SLC12A7: variants seen among roughly 807,000 people sequenced by gnomAD.
SLC12A7 encodes the protein solute carrier family 12 member 7, also known as K-Cl cotransporter 4.
In SLC12A7, 100 loss-of-function variants were observed where a neutral mutation model predicts 120.6. The observed-to-expected ratio is 0.83, with a 90% CI of 0.71 to 0.98. The LOEUF (loss-of-function observed/expected upper bound fraction) is 0.98, where lower values mean the gene tolerates loss of function less well. Among genes scored for constraint, SLC12A7 ranks in the 50% least tolerant of loss-of-function variants. The probability of loss-of-function intolerance (pLI) is 0.00; values close to 1 mark genes in which losing one functional copy is unlikely to be tolerated. For synonymous variants in SLC12A7, 760 were observed against 678.0 expected (o/e 1.12, Z -1.88); for missense variants, 1,373 against 1,548.1 (o/e 0.89, Z 1.90).
chr5:1,085,323 G>C lies in SLC12A7; in HGVS notation c.826C>G (p.Leu276Val). 1 of 1,612,610 alleles carries C rather than the reference G, an allele frequency of 6.2e-7. No individual in the cohort carries two copies. The highest frequency in any genetic ancestry group is 8.5e-7 in the Non-Finnish European group (1 of 1,179,842). Residue 276 changes from leucine (L) to valine (V), a missense_variant, in exon 7 of 24, where the codon CTG (leucine) becomes GTG (valine). Transcript: ENST00000264930. Reference sequence around the variant, plus strand: ...ACGCAGGCCAGGAAGACCAGCGCCAGCTTGTTGACATACTTGACGCCCACG... The same window carrying C: ...ACGCAGGCCAGGAAGACCAGCGCCACCTTGTTGACATACTTGACGCCCACG... ...VFVGVKYVNKLALVFLACVVL... is the reference protein window; with the variant it reads ...VFVGVKYVNKVALVFLACVVL...
At chr5:1,136,786 A>G in the SLC12A7 span, among the ~76,000 whole-genome samples, 2 of 147,598 alleles carry the variant, frequency 1.4e-5, no homozygotes, top group African/African-American at 5.0e-5. Context: ...CACCAACACC[A>G]GGACACGCAG....
At chr5:1,151,036 C>T in the SLC12A7 span, among the ~76,000 whole-genome samples, 19 of 152,204 alleles carry the variant, frequency 1.2e-4, no homozygotes, top group Non-Finnish European at 2.2e-4. This position sits in a 1 kb window ranked among gnomAD's most constrained non-coding sequence, Gnocchi z 6.2. Flanking sequence ...ATGGGGAGGG[C>T]GGCCTTGGGA....
In SLC12A7 at chr5:1,065,332, G is replaced by T. The variant is rs148955144; in HGVS notation, c.2388C>A (p.Pro796=). The T allele has an allele frequency of 6.2e-7, 1 of 1,600,676 alleles. No homozygotes were observed. Among genetic ancestry groups the T allele is most frequent in the Non-Finnish European group, 8.5e-7 (1 of 1,172,336 alleles). ...GGTTGTCCTCCTGCTTCCAGGATGC[G>T]GGCCAGGCCATGAGCACCGTGTTGT... ...LKHNTVLMAW[P]ASWKQEDNPF... Residue 796 remains proline, a synonymous_variant, in exon 18 of 24, where the codon CCC becomes CCA. Transcript: ENST00000264930.
chr5:1,144,645 A>G, the SLC12A7 span, among the ~76,000 whole-genome samples: 1 of 152,242 alleles, frequency 6.6e-6, no homozygotes, highest in Non-Finnish European at 1.5e-5. Context: ...GGACCGCACC[A>G]CACTTTACAA....
chr5:1,099,278 C>T (rs1741733030), intron 1 of SLC12A7, among the ~76,000 whole-genome samples: 1 of 152,178 alleles, frequency 6.6e-6, no homozygotes, highest in Admixed American at 6.5e-5. Flanking sequence ...ATCAACCTAA[C>T]CCGGACCCGG....
the SLC12A7 span, among the ~76,000 whole-genome samples, chr5:1,143,742 C>T: frequency 6.6e-6 from 1 of 152,198 alleles, no homozygotes; most frequent in African/African-American, 2.4e-5. Context: ...CCTGCCCAGT[C>T]CCCTCTGCAA....
chr5:1,119,270 C>T, the SLC12A7 span, among the ~76,000 whole-genome samples: 5 of 152,340 alleles, frequency 3.3e-5, no homozygotes, highest in Middle Eastern at 3.4e-3. Context: ...CTGCAAAGCC[C>T]GGCCTCAGTT....
At chr5:1,095,763 C>T (rs989895528) in intron 1 of SLC12A7, among the ~76,000 whole-genome samples, 2 of 152,352 alleles carry the variant, frequency 1.3e-5, no homozygotes, top group East Asian at 1.9e-4. Context: ...AGGCACCAGC[C>T]GCAGGAGTGG....
At chr5:1,152,797 G>A in the SLC12A7 span, among the ~76,000 whole-genome samples, 2 of 152,278 alleles carry the variant, frequency 1.3e-5, no homozygotes, top group Non-Finnish European at 2.9e-5. Context: ...CGACACGGGG[G>A]AGGCCTGCGG....
At chr5:1,074,825 G>A (rs1738142634) in intron 15 of SLC12A7, 154 bp from the exon 16 acceptor site, 6 of 683,778 alleles carry the variant, frequency 8.8e-6, no homozygotes, top group South Asian at 7.3e-5. Flanking sequence ...GCCCACCCTT[G>A]CCCTGAAGGG....
the SLC12A7 span, among the ~76,000 whole-genome samples, chr5:1,124,030 A>G: frequency 2.0e-5 from 3 of 152,182 alleles, no homozygotes; most frequent in African/African-American, 7.2e-5. Context: ...ATCAATTTCT[A>G]TTTTCTCAGG....
chr5:1,069,025 G>A (rs1737353127), intron 17 of SLC12A7, among the ~76,000 whole-genome samples: 1 of 152,188 alleles, frequency 6.6e-6, no homozygotes, highest in African/African-American at 2.4e-5. Context: ...ATGGGGACCA[G>A]GACCGTGAAC....
the SLC12A7 span, among the ~76,000 whole-genome samples, chr5:1,155,747 G>A: frequency 6.6e-6 from 1 of 150,878 alleles, no homozygotes; most frequent in African/African-American, 2.4e-5. Context: ...GCGCGGCTGC[G>A]GGGTCCAGGC....
rs1047588068 is a variant in SLC12A7, at chr5:1,093,605, G to A, written c.270C>T (p.Ala90=). Residue 90 remains alanine, a synonymous_variant, in exon 3 of 24, where the codon GCC becomes GCT. Transcript: ENST00000264930. ...CGCCCTGGCTCAGGTTGGTGTAGTTGGCCAGCTTGTTGAGCAGCGAGGACA... is the reference window on the plus strand; with the variant it reads ...CGCCCTGGCTCAGGTTGGTGTAGTTAGCCAGCTTGTTGAGCAGCGAGGACA... ...PMVSSLLNKL[A]NYTNLSQGVV... The A allele has an allele frequency of 1.6e-5, 26 of 1,613,050 alleles. No homozygotes were observed. The highest frequency in any genetic ancestry group is 2.1e-5 in the Non-Finnish European group (25 of 1,179,856).
chr5:1,099,666 C>A (rs1467908169), intron 1 of SLC12A7, among the ~76,000 whole-genome samples: 1 of 152,208 alleles, frequency 6.6e-6, no homozygotes, highest in Non-Finnish European at 1.5e-5. Flanking sequence ...GCTGAACTCA[C>A]CTCACAGAAG....
chr5:1,084,295 C>T (rs1739564069), intron 7 of SLC12A7, among the ~76,000 whole-genome samples: 1 of 152,210 alleles, frequency 6.6e-6, no homozygotes, highest in Non-Finnish European at 1.5e-5. Context: ...GCGTTCTAGA[C>T]GTAAACAATT....
chr5:1,148,071 C>A, the SLC12A7 span, among the ~76,000 whole-genome samples: 23 of 152,152 alleles, frequency 1.5e-4, no homozygotes, highest in African/African-American at 5.6e-4. Context: ...CAAACTGTAA[C>A]TGCCTCAGGC....
the SLC12A7 span, among the ~76,000 whole-genome samples, chr5:1,126,127 G>A: frequency 6.6e-6 from 1 of 151,908 alleles, no homozygotes; most frequent in Non-Finnish European, 1.5e-5. Flanking sequence ...CCCACTCCAG[G>A]CTGGATGCAG....
intron 22 of SLC12A7, among the ~76,000 whole-genome samples, chr5:1,055,630 G>C (rs1019958844): frequency 1.3e-4 from 20 of 152,206 alleles, no homozygotes; most frequent in Admixed American, 6.5e-5. Flanking sequence ...AGGCCTGTGG[G>C]GACCTGCCCC....
Sources: allele counts gnomAD v4.1 joint callset (sites outside exome capture counted in the v4.1 genomes callset), GRCh38; gene constraint gnomAD v4.1.1; non-coding constraint Gnocchi (gnomAD v3.1); transcripts MANE v1.5; gene names NCBI Gene and HGNC (gene_info 2026-07-23, HGNC 2026-07-21).